The following PNPLA7 variants were observed in gnomAD, a reference collection of about 807,000 sequenced individuals.
PNPLA7 encodes the protein patatin-like phospholipase domain-containing protein 7.
In PNPLA7, 153 loss-of-function variants were observed where a neutral mutation model predicts 161.7. The ratio of observed to expected loss-of-function variants is 0.95; its 90% CI spans 0.83 to 1.08. PNPLA7 has a LOEUF of 1.08. Among genes scored for constraint, PNPLA7 ranks in the 50% least tolerant of loss-of-function variants. The pLI is 0.00. For missense variants in PNPLA7, 1,739 were observed against 1,856.6 expected (o/e 0.94, Z 1.16); for synonymous variants, 809 against 782.1 (o/e 1.03, Z -0.57).
In PNPLA7 at chr9:137,502,557, G is replaced by A. The variant is rs377728873; in HGVS notation, c.1474-830C>T. On this transcript the variant is annotated intron_variant, in intron 14 of 34. Transcript: ENST00000406427. ...TCTCAGGCAGAGGACGGCCGCTGACGGAGAGGCCGCATCGCCCCAGGGCGC... is the reference window on the plus strand; with the variant it reads ...TCTCAGGCAGAGGACGGCCGCTGACAGAGAGGCCGCATCGCCCCAGGGCGC... 3.9e-4 allele frequency among the ~76,000 whole-genome samples: 57 copies of A among 144,532 alleles called. 1 individual carries two copies. In the East Asian group the frequency reaches 0.011, roughly 29 times the overall value. 94.8% of individuals were successfully genotyped at this position (144,532 alleles called of 152,430 possible).
intron 9 of PNPLA7, among the ~76,000 whole-genome samples, chr9:137,522,479 C>A (rs143642646): frequency 6.6e-6 from 1 of 152,258 alleles, no homozygotes; most frequent in Non-Finnish European, 1.5e-5. Flanking sequence ...CGTGAGCCGC[C>A]GCGCCCGGCC....
Position 137,547,587 on chromosome 9 carries a change from T to C in PNPLA7, c.103A>G (p.Met35Val), listed in dbSNP as rs749365276. The C allele has an allele frequency of 2.5e-6, 4 of 1,613,208 alleles. No homozygotes were observed. The highest frequency in any genetic ancestry group is 3.4e-6 in the Non-Finnish European group (4 of 1,179,828). The part of the protein sequence containing the change: ...WFTEEGSPST[M>V]LTGIAVGALL... ...CCAGGGAAGCGTGAGGTGATTACCA[T>C]GGTGGACGGTGAACCTTCCTCCGTG... is the stretch of plus-strand genomic sequence containing the variant. Residue 35 changes from methionine to valine, a missense_variant and splice_region_variant, in exon 2 of 35, where the codon ATG (methionine) becomes GTG (valine). Met to Val is a conservative substitution (Grantham distance 21). Transcript: ENST00000406427. This position sits in a 1 kb window ranked among gnomAD's most constrained non-coding sequence, Gnocchi z 4.6.
In PNPLA7 at chr9:137,520,663, C is replaced by G. The variant is rs116511514; in HGVS notation, c.958-620G>C. Among the ~76,000 whole-genome samples the G allele has an allele frequency of 1.3e-5, 2 of 152,202 alleles. No individual in the cohort carries two copies. The highest frequency in any genetic ancestry group is 4.8e-5 in the African/African-American group (2 of 41,454). Reference sequence around the variant, plus strand: ...TGGGCAGTGGGGATGGAGCAGGGCACGAAACCCTGGTCTCACTCAGTTCCC... The same window carrying G: ...TGGGCAGTGGGGATGGAGCAGGGCAGGAAACCCTGGTCTCACTCAGTTCCC... On this transcript the variant is annotated intron_variant, in intron 10 of 34. Coordinates refer to ENST00000406427, the MANE Select transcript of PNPLA7 (RefSeq NM_001098537.3). The surrounding 1 kb of genome is among the most constrained non-coding windows in gnomAD (Gnocchi z 5.2).
Position 137,479,148 on chromosome 9 carries a change from C to G in PNPLA7, c.2671G>C (p.Val891Leu). The G allele has an allele frequency of 6.3e-7, 1 of 1,585,742 alleles. No individual in the cohort carries two copies. The highest frequency in any genetic ancestry group is 8.6e-7 in the Non-Finnish European group (1 of 1,167,320). The change falls in exon 24 of 35, where the codon GTG becomes CTG. Residue 891 changes from valine to leucine, a missense_variant. Val to Leu is a conservative substitution (Grantham distance 32). This residue lies in a region of PNPLA7 where 703 missense variants were observed against 694.6 expected (regional missense o/e 1.01). Transcript: ENST00000406427. ...CAGCTCCGCATGTTGAGCCACTCCA[C>G]GGTGCGCGCTGGCGCCGGGCCCTCC... ...REEGPAPART[V>L]EWLNMRSWCS...
rs563145585 is a variant in PNPLA7 at position 137,465,815 on chromosome 9, G to T, written c.3040-1359C>A. The stretch of plus-strand genomic sequence containing the variant: ...GATCCCACTCATGGCTCCAACCAAA[G>T]CTCGGTTTTGTTCCACAAAAGCAAG... On this transcript the variant is annotated intron_variant, in intron 26 of 34. Transcript: ENST00000406427. Among the ~76,000 whole-genome samples the T allele has an allele frequency of 8.5e-5, 13 of 152,300 alleles. No homozygotes were observed. The South Asian group carries it at 2.7e-3, about 32-fold the overall frequency.
rs116852294 is a variant in PNPLA7, at chr9:137,526,270, C to T, written c.748-3413G>A. On this transcript the variant is annotated intron_variant, in intron 8 of 34. Transcript: ENST00000406427. ...AGACCTCACTCTGTGGGTCTCTTGACTGTTTTGACTGATCCTGATTTTCAT... is the reference window on the plus strand; with the variant it reads ...AGACCTCACTCTGTGGGTCTCTTGATTGTTTTGACTGATCCTGATTTTCAT... Among the ~76,000 whole-genome samples, 28 of 152,216 alleles carry T rather than the reference C, an allele frequency of 1.8e-4. 1 individual carries two copies. In the East Asian group the frequency reaches 5.4e-3, roughly 29 times the overall value.
At chr9:137,546,757 G>T in intron 4 of PNPLA7, 73 bp downstream of exon 4, 1 of 1,434,054 alleles carries the variant, frequency 7.0e-7, no homozygotes, top group Non-Finnish European at 9.8e-7. Flanking sequence ...GGAGCCCACA[G>T]CAGAAGGGGT....
rs546583429 is a variant in PNPLA7, at chr9:137,544,055, A to G, written c.274-240T>C. On this transcript the variant is annotated intron_variant, in intron 4 of 34. Transcript: ENST00000406427. ...TGTCCCCAAACAGCCAACCCTCCAG[A>G]GCCCCCAGGCTTCATGCCTGCTGGC... Among the ~76,000 whole-genome samples the G allele has an allele frequency of 1.2e-3, 184 of 152,268 alleles. 1 individual carries two copies. Among genetic ancestry groups the G allele is most frequent in the Non-Finnish European group, 2.2e-3 (149 of 68,008 alleles).
rs1212788216 is a variant in PNPLA7 at position 137,543,514 on chromosome 9, G to A, written c.424C>T (p.Leu142=). The A allele has an allele frequency of 2.5e-6, 4 of 1,613,956 alleles. No homozygotes were observed. Among genetic ancestry groups the A allele is most frequent in the Non-Finnish European group, 3.4e-6 (4 of 1,180,010 alleles). ...AACTCCGTGAGGTCGGCCTCCAGCA[G>A]GGAGGGCGGGGGCTCCTTGGGCTGC... ...ALQPKEPPPS[L]LEADLTEFDV... is the part of the protein sequence containing the mutation. Residue 142 remains leucine, a synonymous_variant, in exon 6 of 35, where the codon CTG becomes TTG. Transcript: ENST00000406427. The surrounding 1 kb of genome is among the most constrained non-coding windows in gnomAD (Gnocchi z 6.9).
At position 137,486,374 on chromosome 9, in the gene PNPLA7, C is replaced by T. The variant is rs1416847292; in HGVS notation, c.2198-1638G>A. Among the ~76,000 whole-genome samples, 1 of 152,134 alleles carries T rather than the reference C, an allele frequency of 6.6e-6. No homozygotes were observed. The highest frequency in any genetic ancestry group is 1.5e-5 in the Non-Finnish European group (1 of 68,036). On this transcript the variant is annotated intron_variant, in intron 20 of 34. Transcript: ENST00000406427. This position sits in a 1 kb window ranked among gnomAD's most constrained non-coding sequence, Gnocchi z 6.0. ...CGGGGAACATGGCTCGGAGAACCAGCGCACAGCCGGCAATCATGTGCTCAC... is the reference window on the plus strand; with the variant it reads ...CGGGGAACATGGCTCGGAGAACCAGTGCACAGCCGGCAATCATGTGCTCAC...
chr9:137,531,440 A>T (rs1353568390), intron 8 of PNPLA7, among the ~76,000 whole-genome samples: 1 of 152,208 alleles, frequency 6.6e-6, no homozygotes. Flanking sequence ...TGTGAAAACC[A>T]CAGGGAGAGG....
Position 137,541,917 on chromosome 9 carries a change from A to T in PNPLA7, c.666+725T>A, listed in dbSNP as rs561146743. Among the ~76,000 whole-genome samples the T allele has an allele frequency of 2.0e-5, 3 of 152,234 alleles. No individual in the cohort carries two copies. In the South Asian group the frequency reaches 6.2e-4, roughly 32 times the overall value. ...CCACCTCAGCCCCCAAGTGGCTGGG[A>T]CCACAGGTGCTACCACCATGCCTGG... On this transcript the variant is annotated intron_variant, in intron 7 of 34. Coordinates refer to ENST00000406427, the MANE Select transcript of PNPLA7 (RefSeq NM_001098537.3). The surrounding 1 kb of genome is among the most constrained non-coding windows in gnomAD (Gnocchi z 4.4).
chr9:137,464,434 G>T lies in PNPLA7; in HGVS notation c.3062C>A (p.Ala1021Asp), dbSNP rs760330696. The T allele has an allele frequency of 2.5e-6, 4 of 1,613,910 alleles. No homozygotes were observed. Among genetic ancestry groups the T allele is most frequent in the Non-Finnish European group, 3.4e-6 (4 of 1,179,982 alleles). Residue 1021 changes from alanine to aspartate, a missense_variant, in exon 27 of 35, where the codon GCC becomes GAC. Physicochemically the swap from Ala to Asp is moderately radical, Grantham distance 126. Coordinates refer to ENST00000406427, the MANE Select transcript of PNPLA7 (RefSeq NM_001098537.3). ...WAEGMTSLMK[A>D]ALDLTYPITS... ...GATGGGGTAGGTGAGGTCCAGCGCG[G>T]CCTTCATCAAGGACGTCATGCCCTG...
intron 23 of PNPLA7, among the ~76,000 whole-genome samples, chr9:137,480,034 G>A (rs1465424170): frequency 6.6e-6 from 1 of 152,246 alleles, no homozygotes; most frequent in East Asian, 1.9e-4. Context: ...GGTTAGTCCT[G>A]GAAAAGGCTT....
chr9:137,463,476 A>T lies in PNPLA7; in HGVS notation c.3282T>A (p.Pro1094=), dbSNP rs1831315192. 1 of 1,594,100 alleles carries T rather than the reference A, an allele frequency of 6.3e-7. No homozygotes were observed. The highest frequency in any genetic ancestry group is 8.5e-7 in the Non-Finnish European group (1 of 1,170,648). ...ASMSLSGYMP[P]LCDPKDGHLL... The stretch of plus-strand genomic sequence containing the variant: ...GGTGTCCGTCCTTCGGGTCACAGAG[A>T]GGGGGCATGTAACCGGACAGGGACA... Residue 1094 remains proline, a synonymous_variant, in exon 29 of 35, where the codon CCT becomes CCA. Coordinates refer to ENST00000406427, the MANE Select transcript of PNPLA7 (RefSeq NM_001098537.3).
chr9:137,497,186 C>G lies in PNPLA7; in HGVS notation c.2013+1G>C. On this transcript the variant is annotated splice_donor_variant, in intron 18 of 34. Coordinates refer to ENST00000406427, the MANE Select transcript of PNPLA7 (RefSeq NM_001098537.3). LOFTEE classifies it high-confidence loss of function. ...AGGCAGGAGCAGGGCCCAGCACCTACCACGCCGACGAGGTCTCCTCGGCCG... is the reference window on the plus strand; with the variant it reads ...AGGCAGGAGCAGGGCCCAGCACCTAGCACGCCGACGAGGTCTCCTCGGCCG... 4 of 1,573,324 alleles carry G rather than the reference C, an allele frequency of 2.5e-6. No individual in the cohort carries two copies. The highest frequency in any genetic ancestry group is 1.4e-5 in the African/African-American group (1 of 73,166).
chr9:137,505,934 G>C, intron 13 of PNPLA7, 49 bp downstream of exon 13: 3 of 1,564,092 alleles, frequency 1.9e-6, no homozygotes, highest in Admixed American at 1.8e-5. Context: ...GCAAGCCACG[G>C]AGAGGGTGGG....
At chr9:137,513,943 C>T (rs138402273) in intron 12 of PNPLA7, among the ~76,000 whole-genome samples, 5 of 152,382 alleles carry the variant, frequency 3.3e-5, no homozygotes, top group Non-Finnish European at 7.3e-5. Context: ...CGGTGACCTG[C>T]GGGTGGCAGA....
At chr9:137,461,505 C>T in intron 33 of PNPLA7, 31 bp downstream of exon 33, 1 of 1,593,300 alleles carries the variant, frequency 6.3e-7, no homozygotes, top group Non-Finnish European at 8.6e-7. Context: ...TCACGCACGT[C>T]TCCACGGCTT....
Sources: allele counts gnomAD v4.1 joint callset (sites outside exome capture counted in the v4.1 genomes callset), GRCh38; gene constraint gnomAD v4.1.1; regional missense constraint gnomAD v4.1.1; non-coding constraint Gnocchi (gnomAD v3.1); transcripts MANE v1.5; gene names NCBI Gene and HGNC (gene_info 2026-07-23, HGNC 2026-07-21).